RPAP2: variants seen among roughly 807,000 people sequenced by gnomAD.
RPAP2 encodes putative RNA polymerase II subunit B1 CTD phosphatase RPAP2.
A neutral mutation model predicts 73.1 loss-of-function variants in RPAP2; 52 were observed. The observed-to-expected ratio is 0.71, with a 90% CI of 0.57 to 0.90. The LOEUF (loss-of-function observed/expected upper bound fraction) is 0.90, where lower values mean the gene tolerates loss of function less well. RPAP2 is among the 40% of genes least tolerant of loss of function. The pLI is 0.00. For synonymous variants in RPAP2, 225 were observed against 242.1 expected, an observed-to-expected ratio of 0.93 and a Z score of 0.65; for missense variants, 598 against 701.8, an observed-to-expected ratio of 0.85 and a Z score of 1.67.
chr1:92,332,790 C>T (rs1248294979), intron 8 of RPAP2, among the ~76,000 whole-genome samples: 2 of 152,156 alleles, frequency 1.3e-5, no homozygotes, highest in East Asian at 3.8e-4. Context: ...ATTAGAAAAA[C>T]TGCTCAATTT....
At chr1:92,350,985 A>G (rs1275363171) in intron 11 of RPAP2, among the ~76,000 whole-genome samples, 1 of 152,000 alleles carries the variant, frequency 6.6e-6, no homozygotes, top group Admixed American at 6.6e-5. Flanking sequence ...TCTACTGTGT[A>G]AAGCTTATTA....
At chr1:92,313,113 C>T (rs1240958297) in intron 6 of RPAP2, among the ~76,000 whole-genome samples, 2 of 152,180 alleles carry the variant, frequency 1.3e-5, no homozygotes, top group Admixed American at 1.3e-4. Context: ...GTAATCCACG[C>T]ACCTTGGCTT....
intron 6 of RPAP2, among the ~76,000 whole-genome samples, chr1:92,309,586 C>T (rs6656433): frequency 3.6e-3 from 26 of 7,202 alleles, no homozygotes; most frequent in East Asian, 0.083. Flanking sequence ...CATATACATA[C>T]ACATACACAT....
rs922529089 is a variant in RPAP2 at position 92,397,639 on chromosome 1, G to A, written c.*10628G>A. ...CTTCTGCCAAGTTTATGTTAGTTTG[G>A]GAGGACTGAAGCAGAATTCAGTTCA... On this transcript the variant is annotated 3_prime_UTR_variant, in exon 13 of 13. Transcript: ENST00000610020. 6.6e-6 allele frequency: 1 copy of A among 152,122 alleles called. No homozygotes were observed. The highest frequency in any genetic ancestry group is 1.5e-5 in the Non-Finnish European group (1 of 68,014). 9.4% of individuals were successfully genotyped at this position (152,122 alleles called of 1,614,324 possible).
At position 92,389,843 on chromosome 1, in the gene RPAP2, G is replaced by GA. The variant is rs1249542221; in HGVS notation, c.*2838dup. On this transcript the variant is annotated 3_prime_UTR_variant, in exon 13 of 13. Coordinates refer to ENST00000610020, the MANE Select transcript of RPAP2 (RefSeq NM_024813.3). ...AATAAAGCGAGAGGACAAGATTAGA[G>GA]AAAAAAGAGTGAAAAGAAATGAACA... 1 of 152,036 alleles carries GA rather than the reference G, an allele frequency of 6.6e-6. No homozygotes were observed. The highest frequency in any genetic ancestry group is 6.6e-5 in the Admixed American group (1 of 15,248). The allele number at this position is 152,036 out of a possible 1,614,324, so 9.4% of individuals were successfully genotyped here.
Position 92,320,564 on chromosome 1 carries a change from C to T in RPAP2, c.489-35C>T, listed in dbSNP as rs774371626. The T allele has an allele frequency of 1.9e-6, 3 of 1,603,092 alleles. No homozygotes were observed. In the South Asian group the frequency reaches 3.3e-5, roughly 18 times the overall value. On this transcript the variant is annotated intron_variant, in intron 6 of 12. Coordinates refer to ENST00000610020, the MANE Select transcript of RPAP2 (RefSeq NM_024813.3). ...GGGTTACAGGCATGAGCCACCGCAC[C>T]CGGCCTAATTTTTATTTCTGTGTTC... is the stretch of plus-strand genomic sequence containing the variant.
At chr1:92,333,702 G>A (rs1653106715) in intron 9 of RPAP2, among the ~76,000 whole-genome samples, 1 of 152,192 alleles carries the variant, frequency 6.6e-6, no homozygotes, top group Non-Finnish European at 1.5e-5. Flanking sequence ...GGAAGGTTGA[G>A]ATTGTGGGTT....
At chr1:92,355,556 G>A (rs1654421748) in intron 11 of RPAP2, among the ~76,000 whole-genome samples, 1 of 152,172 alleles carries the variant, frequency 6.6e-6, no homozygotes, top group Non-Finnish European at 1.5e-5. Context: ...TCCATCATAA[G>A]CTTGGCAGGG....
intron 6 of RPAP2, among the ~76,000 whole-genome samples, chr1:92,318,760 T>C (rs888870525): frequency 3.3e-5 from 5 of 152,308 alleles, no homozygotes; most frequent in African/African-American, 9.6e-5. Context: ...TATCCTTTCA[T>C]ATTGATTATT....
intron 11 of RPAP2, among the ~76,000 whole-genome samples, chr1:92,353,212 G>T (rs1654303255): frequency 6.6e-6 from 1 of 152,124 alleles, no homozygotes; most frequent in South Asian, 2.1e-4. Flanking sequence ...ATATACCTAG[G>T]AGTAGAATTG....
At position 92,331,936 on chromosome 1, in the gene RPAP2, T is replaced by C. The variant is rs932463966; in HGVS notation, c.1456-1455T>C. 6.6e-5 allele frequency among the ~76,000 whole-genome samples: 10 copies of C among 152,164 alleles called. No individual in the cohort carries two copies. The East Asian group carries it at 1.5e-3, about 23-fold the overall frequency. On this transcript the variant is annotated intron_variant, in intron 8 of 12. Transcript: ENST00000610020. ...TGAGCAGTTATTTTCTTTCAGCCCATTGAAAATATCATTCCCTTGTCTTTT... is the reference window on the plus strand; with the variant it reads ...TGAGCAGTTATTTTCTTTCAGCCCACTGAAAATATCATTCCCTTGTCTTTT...
chr1:92,323,114 A>G (rs1652401235), intron 7 of RPAP2, among the ~76,000 whole-genome samples: 1 of 148,010 alleles, frequency 6.8e-6, no homozygotes, highest in African/African-American at 2.5e-5. Flanking sequence ...GGCAAATCCA[A>G]ATAGTGCAGT....
chr1:92,302,859 CA>C (rs767239478), intron 3 of RPAP2, among the ~76,000 whole-genome samples: 9 of 151,800 alleles, frequency 5.9e-5, no homozygotes, highest in Non-Finnish European at 1.3e-4. Flanking sequence ...GTCGGCCTCC[CA>C]AAGTGCTGGG....
chr1:92,393,609 AG>A lies in RPAP2; in HGVS notation c.*6599del, dbSNP rs1184377365. 1 of 152,214 alleles carries A rather than the reference AG, an allele frequency of 6.6e-6. No individual in the cohort carries two copies. The highest frequency in any genetic ancestry group is 6.5e-5 in the Admixed American group (1 of 15,272). The allele number at this position is 152,214 out of a possible 1,614,324, so 9.4% of individuals were successfully genotyped here. On this transcript the variant is annotated 3_prime_UTR_variant, in exon 13 of 13. Coordinates refer to ENST00000610020, the MANE Select transcript of RPAP2 (RefSeq NM_024813.3). ...AAGGGCTAATATCCAGAATCTACAA[AG>A]AACTTAAACAAATTTACAAGAAAAA... is the stretch of plus-strand genomic sequence containing the variant.
intron 8 of RPAP2, among the ~76,000 whole-genome samples, chr1:92,332,692 A>G (rs1183625713): frequency 2.0e-5 from 3 of 152,114 alleles, no homozygotes; most frequent in African/African-American, 7.2e-5. Context: ...TGTTATTCCT[A>G]GAGTATGGTC....
chr1:92,333,389 A>AT lies in RPAP2; in HGVS notation c.1456-2_1456-1insT. ...TTTGCTTTGTTTAAAAATGTGATTC[A>AT]GCATGATTCCACCTTTCCACTGATA... On this transcript the variant is annotated splice_acceptor_variant, in intron 8 of 12. Coordinates refer to ENST00000610020, the MANE Select transcript of RPAP2 (RefSeq NM_024813.3). LOFTEE classifies it high-confidence loss of function. 6.2e-7 allele frequency: 1 copy of AT among 1,610,136 alleles called. No homozygotes were observed.
chr1:92,338,695 G>A (rs1252581290), intron 10 of RPAP2, among the ~76,000 whole-genome samples: 2 of 149,026 alleles, frequency 1.3e-5, no homozygotes, highest in Non-Finnish European at 3.0e-5. Flanking sequence ...CAGTTGCCCA[G>A]GCTGGAGTTC....
At chr1:92,310,444 T>C (rs187813240) in intron 6 of RPAP2, among the ~76,000 whole-genome samples, 61 of 152,318 alleles carry the variant, frequency 4.0e-4, no homozygotes, top group African/African-American at 1.4e-3. Flanking sequence ...GGATACAATA[T>C]CCTGAGTCAG....
chr1:92,379,067 T>G (rs1655507423), intron 11 of RPAP2, among the ~76,000 whole-genome samples: 1 of 152,240 alleles, frequency 6.6e-6, no homozygotes, highest in Non-Finnish European at 1.5e-5. Flanking sequence ...CTGGCCATAT[T>G]TGGACAATTC....
Sources: allele counts gnomAD v4.1 joint callset (sites outside exome capture counted in the v4.1 genomes callset), GRCh38; gene constraint gnomAD v4.1.1; transcripts MANE v1.5; gene names NCBI Gene and HGNC (gene_info 2026-07-23, HGNC 2026-07-21).